Variants in MYO6 observed in about 807,000 individuals in gnomAD.
The protein encoded by MYO6 is myosin VI.
A neutral mutation model predicts 178.7 loss-of-function variants in MYO6; 74 were observed. The ratio of observed to expected loss-of-function variants is 0.41; its 90% CI spans 0.34 to 0.50. The LOEUF (loss-of-function observed/expected upper bound fraction) is 0.50, where lower values mean the gene tolerates loss of function less well. Ranked by LOEUF, MYO6 falls within the 20% of genes least tolerant of loss-of-function variation. The pLI is 0.09. For synonymous variants in MYO6, 477 were observed against 504.6 expected (o/e 0.95, Z 0.73); for missense variants, 1,330 against 1,547.4 (o/e 0.86, Z 2.36).
chr6:75,836,121 G>A (rs1206409074), intron 7 of MYO6, among the ~76,000 whole-genome samples, 165 bp downstream of exon 7: 1 of 152,054 alleles, frequency 6.6e-6, no homozygotes, highest in African/African-American at 2.4e-5. Context: ...AATTGTTTCT[G>A]CCCCCACCCG....
chr6:75,770,956 C>T (rs1038026049), intron 1 of MYO6, among the ~76,000 whole-genome samples: 5 of 151,674 alleles, frequency 3.3e-5, no homozygotes, highest in African/African-American at 1.2e-4. Flanking sequence ...GATAGCTTAC[C>T]CCAAGACACA....
At chr6:75,912,881 GAT>G (rs1405259067) in intron 33 of MYO6, among the ~76,000 whole-genome samples, 1 of 152,064 alleles carries the variant, frequency 6.6e-6, no homozygotes, top group Non-Finnish European at 1.5e-5. Context: ...CCTTCATAGG[GAT>G]ATATAGCTTT....
intron 22 of MYO6, among the ~76,000 whole-genome samples, chr6:75,881,110 G>A (rs983659741): frequency 1.2e-4 from 19 of 152,020 alleles, no homozygotes; most frequent in Admixed American, 6.6e-4. Context: ...AAAATTAGCC[G>A]GGTGTGGTGG....
chr6:75,837,702 TAA>T (rs1773788373), intron 7 of MYO6, among the ~76,000 whole-genome samples: 1 of 152,234 alleles, frequency 6.6e-6, no homozygotes, highest in South Asian at 2.1e-4. Flanking sequence ...TGAGCACCAG[TAA>T]AGTTTTTTTT....
At chr6:75,887,069 A>T in intron 25 of MYO6, 75 bp downstream of exon 25, 2 of 1,418,042 alleles carry the variant, frequency 1.4e-6, no homozygotes, top group Non-Finnish European at 2.0e-6. Flanking sequence ...TTGAAATTGT[A>T]TAGAAAACGT....
chr6:75,805,222 C>T (rs1769950124), intron 1 of MYO6, among the ~76,000 whole-genome samples: 1 of 151,376 alleles, frequency 6.6e-6, no homozygotes, highest in Admixed American at 6.6e-5. Flanking sequence ...TGGGGTTTCA[C>T]CGTGTTAGCC....
chr6:75,882,856 T>A (rs1431120520), intron 23 of MYO6, among the ~76,000 whole-genome samples: 1 of 152,090 alleles, frequency 6.6e-6, no homozygotes, highest in Admixed American at 6.5e-5. Context: ...CATAAACACA[T>A]ATTATTGTGG....
Position 75,916,650 on chromosome 6 carries a change from A to G in MYO6, c.*1638A>G, listed in dbSNP as rs1481051268. 1 of 152,590 alleles carries G rather than the reference A, an allele frequency of 6.6e-6. No homozygotes were observed. Among genetic ancestry groups the G allele is most frequent in the Non-Finnish European group, 1.5e-5 (1 of 68,038 alleles). 9.5% of individuals were successfully genotyped at this position (152,590 alleles called of 1,614,324 possible). A position where few individuals can be genotyped will look rare whatever the true frequency, so the allele number is the denominator to read the frequency against. On this transcript the variant is annotated 3_prime_UTR_variant, in exon 35 of 35. Coordinates refer to ENST00000369977, the MANE Select transcript of MYO6 (RefSeq NM_004999.4). ...TAACTGGTGTTTTTATTTGTGTAGG[A>G]TAGTGAATGATAAGCTTTTTTCCTA...
At chr6:75,871,438 T>C (rs745831830) in intron 19 of MYO6, among the ~76,000 whole-genome samples, 22 of 152,128 alleles carry the variant, frequency 1.4e-4, no homozygotes, top group Middle Eastern at 3.2e-3. Flanking sequence ...TTTGTAGATA[T>C]GAGGTTTCGC....
Position 75,915,111 on chromosome 6 carries a change from CT to C in MYO6, c.*101del. ...CCATTCCATAATCATGTTAGAGTTA[CT>C]TCTATAAAGTGAACAGATTTTATTA... On this transcript the variant is annotated 3_prime_UTR_variant, in exon 35 of 35. Coordinates refer to ENST00000369977, the MANE Select transcript of MYO6 (RefSeq NM_004999.4). 2 of 1,159,094 alleles carry C rather than the reference CT, an allele frequency of 1.7e-6. No individual in the cohort carries two copies. Among genetic ancestry groups the C allele is most frequent in the Non-Finnish European group, 2.5e-6 (2 of 798,148 alleles). The allele number at this position is 1,159,094 out of a possible 1,614,324, so 71.8% of individuals were successfully genotyped here.
chr6:75,765,732 CA>C (rs1185146854), intron 1 of MYO6, among the ~76,000 whole-genome samples: 4 of 150,776 alleles, frequency 2.7e-5, no homozygotes, highest in Non-Finnish European at 5.9e-5. Context: ...GCAAGAACTT[CA>C]AAAAAAAGAA....
In MYO6 at chr6:75,858,914, A is replaced by G. The variant is rs1403014744; in HGVS notation, c.1394A>G (p.His465Arg). Reference protein sequence around the residue: ...LDIAGFEYFEHNSFEQFCINY... With the variant: ...LDIAGFEYFERNSFEQFCINY... ...TTTATATTTTCAGAGTACTTTGAGCATAACAGTTTTGAACAATTTTGCATC... is the reference window on the plus strand; with the variant it reads ...TTTATATTTTCAGAGTACTTTGAGCGTAACAGTTTTGAACAATTTTGCATC... The change falls in exon 14 of 35, where the codon CAT becomes CGT. Residue 465 changes from histidine to arginine, a missense_variant. His to Arg is a conservative substitution (Grantham distance 29). Coordinates refer to ENST00000369977, the MANE Select transcript of MYO6 (RefSeq NM_004999.4). 2.5e-6 allele frequency: 4 copies of G among 1,604,896 alleles called. No individual in the cohort carries two copies. Among genetic ancestry groups the G allele is most frequent in the South Asian group, 1.1e-5 (1 of 90,522 alleles).
chr6:75,755,864 A>T (rs898396659), intron 1 of MYO6, among the ~76,000 whole-genome samples: 1 of 152,114 alleles, frequency 6.6e-6, no homozygotes, highest in Admixed American at 6.5e-5. Flanking sequence ...TTAATTATAG[A>T]CTCTTCATAC....
chr6:75,918,999 A>G lies in MYO6; in HGVS notation c.*3987A>G, dbSNP rs1290131410. 6.6e-6 allele frequency: 1 copy of G among 152,208 alleles called. No homozygotes were observed. The highest frequency in any genetic ancestry group is 6.6e-5 in the Admixed American group (1 of 15,260). The allele number at this position is 152,208 out of a possible 1,614,324, so 9.4% of individuals were successfully genotyped here. On this transcript the variant is annotated 3_prime_UTR_variant, in exon 35 of 35. Transcript: ENST00000369977. The stretch of plus-strand genomic sequence containing the variant: ...CCAGGCGTGGTAGTGGGTGCCTGTA[A>G]TCCCTGCTACTTGGGAGGCTGAGGC...
At chr6:75,896,515 T>G (rs1779317824) in intron 29 of MYO6, among the ~76,000 whole-genome samples, 1 of 152,246 alleles carries the variant, frequency 6.6e-6, no homozygotes, top group South Asian at 2.1e-4. Context: ...ATTCTCTCAA[T>G]TACACAGTAT....
At position 75,866,549 on chromosome 6, in the gene MYO6, A is replaced by G. The variant is rs368674886; in HGVS notation, c.1698A>G (p.Ala566=). ...AGATTCCCAGAAAATCTAAGCTGGC[A>G]GTTCATAGGAATATCAGAGACGACG... ...RLTIPRKSKL[A]VHRNIRDDEG... is the part of the protein sequence containing the mutation. The change falls in exon 17 of 35, where the codon GCA becomes GCG. Residue 566 remains alanine (A), a synonymous_variant. Coordinates refer to ENST00000369977, the MANE Select transcript of MYO6 (RefSeq NM_004999.4). 6.2e-7 allele frequency: 1 copy of G among 1,613,912 alleles called. No individual in the cohort carries two copies. The highest frequency in any genetic ancestry group is 8.5e-7 in the Non-Finnish European group (1 of 1,179,826).
chr6:75,917,106 C>T lies in MYO6; in HGVS notation c.*2094C>T, dbSNP rs539381382. The stretch of plus-strand genomic sequence containing the variant: ...ACCCCTTTGCTGGAGAAACTTAGGA[C>T]CCTGTCAGCCTTTTAAAGGAAACAG... On this transcript the variant is annotated 3_prime_UTR_variant, in exon 35 of 35. Transcript: ENST00000369977. 2 of 152,632 alleles carry T rather than the reference C, an allele frequency of 1.3e-5. No homozygotes were observed. Among genetic ancestry groups the T allele is most frequent in the East Asian group, 3.9e-4 (2 of 5,182 alleles). The allele number at this position is 152,632 out of a possible 1,614,324, so 9.5% of individuals were successfully genotyped here. A position where few individuals can be genotyped will look rare whatever the true frequency, so the allele number is the denominator to read the frequency against.
intron 5 of MYO6, among the ~76,000 whole-genome samples, chr6:75,832,178 T>C (rs1322305127): frequency 6.6e-6 from 1 of 152,194 alleles, no homozygotes; most frequent in Non-Finnish European, 1.5e-5. Context: ...TGGAGTCTAA[T>C]GAAGATAGTT....
rs2149374153 is a variant in MYO6 at position 75,892,632 on chromosome 6, G to T, written c.3049G>T (p.Ala1017Ser). 4 of 1,613,178 alleles carry T rather than the reference G, an allele frequency of 2.5e-6. No homozygotes were observed. The highest frequency in any genetic ancestry group is 2.7e-5 in the African/African-American group (2 of 75,026). Residue 1017 changes from alanine to serine, a missense_variant, in exon 28 of 35, where the codon GCC (alanine) becomes TCC (serine). Transcript: ENST00000369977. ...RRDRELALRIAQSEAELISDE... is the reference protein window; with the variant it reads ...RRDRELALRISQSEAELISDE... The stretch of plus-strand genomic sequence containing the variant: ...GGACCGGGAGCTGGCCCTGAGGATT[G>T]CCCAGAGTGAAGCCGAGCTCATCAG...
Sources: gnomAD v4.1 joint callset for allele counts (sites outside exome capture counted in the v4.1 genomes callset) on GRCh38, gnomAD v4.1.1 for gene constraint, MANE v1.5 for transcripts, NCBI Gene and HGNC (gene_info 2026-07-23, HGNC 2026-07-21) for gene names.